ZNF680: variants seen among roughly 807,000 people sequenced by gnomAD.
The protein encoded by ZNF680 is hypothetical protein FLJ90430.
In ZNF680, 6 loss-of-function variants were observed where a neutral mutation model predicts 12.1. The ratio of observed to expected loss-of-function variants is 0.49; its 90% confidence interval spans 0.27 to 0.98. The LOEUF is 0.98. Among genes scored for constraint, ZNF680 ranks in the 50% least tolerant of loss-of-function variants. ZNF680 has a pLI of 0.12. For synonymous variants in ZNF680, 170 were observed against 199.3 expected (o/e 0.85, Z 1.24); for missense variants, 561 against 616.3 (o/e 0.91, Z 0.95).
chr7:64,500,365 C>T, the ZNF680 span, among the ~76,000 whole-genome samples: 1 of 151,952 alleles, frequency 6.6e-6, no homozygotes, highest in Non-Finnish European at 1.5e-5. Context: ...CTCACAATAT[C>T]TAAGGTATGG....
the ZNF680 span, chr7:64,501,783 C>T: frequency 1.4e-6 from 1 of 728,952 alleles, no homozygotes; most frequent in Admixed American, 1.8e-5. Flanking sequence ...CTAGGTGCTT[C>T]TCTAAGATCA....
At chr7:64,506,518 A>G in the ZNF680 span, among the ~76,000 whole-genome samples, 1 of 152,012 alleles carries the variant, frequency 6.6e-6, no homozygotes, top group African/African-American at 2.4e-5. Flanking sequence ...TTATCTAAGT[A>G]AACAAAGATA....
intron 3 of ZNF680, among the ~76,000 whole-genome samples, chr7:64,539,378 A>AAAAAAAAAAAAAAAAAAAAAAAAC (rs1786375870): frequency 7.1e-6 from 1 of 140,236 alleles, no homozygotes; most frequent in African/African-American, 2.7e-5. Context: ...AAAAAAAAGA[A>AAAAAAAAAAAAAAAAAAAAAAAAC]AAGAAAATCT....
intron 1 of ZNF680, among the ~76,000 whole-genome samples, chr7:64,547,641 G>A (rs1032388224): frequency 6.6e-6 from 1 of 151,880 alleles, no homozygotes; most frequent in Non-Finnish European, 1.5e-5. Flanking sequence ...TTTTCTTGAA[G>A]ATGTATAAAA....
rs185453780 is a variant in ZNF680, at chr7:64,562,681, C to A, written c.30+244G>T. Among the ~76,000 whole-genome samples the A allele has an allele frequency of 1.8e-3, 275 of 152,366 alleles. 1 individual carries two copies. Among genetic ancestry groups the A allele is most frequent in the Non-Finnish European group, 3.3e-3 (225 of 68,038 alleles). ...GCGGCACTGCGGGTGCAGAGCTGCC[C>A]AGCGAGGGCTCCAGGCCAAGGCACA... On this transcript the variant is annotated intron_variant, in intron 1 of 3. Coordinates refer to ENST00000309683, the MANE Select transcript of ZNF680 (RefSeq NM_178558.5).
At chr7:64,526,042 A>C (rs556775434) in intron 3 of ZNF680, 1 of 979,194 alleles carries the variant, frequency 1.0e-6, no homozygotes, top group Non-Finnish European at 1.2e-6. Flanking sequence ...AAACTAAAAA[A>C]CCAAAACAAT....
the ZNF680 span, chr7:64,501,614 G>C: frequency 1.2e-6 from 1 of 802,612 alleles, no homozygotes; most frequent in Middle Eastern, 2.6e-4. Context: ...GGGATCTACT[G>C]GATGATGATG....
At chr7:64,528,825 A>T (rs935520683) in intron 3 of ZNF680, among the ~76,000 whole-genome samples, 1 of 152,136 alleles carries the variant, frequency 6.6e-6, no homozygotes, top group African/African-American at 2.4e-5. Flanking sequence ...ACCACAGCTG[A>T]TGCTCTCTGG....
intron 1 of ZNF680, among the ~76,000 whole-genome samples, chr7:64,548,845 G>A (rs113718180): frequency 0.023 from 3,440 of 152,098 alleles, 55 homozygotes; most frequent in Admixed American, 0.039. Context: ...GAAACTGGCC[G>A]GGCGCGGTGG....
intron 1 of ZNF680, among the ~76,000 whole-genome samples, chr7:64,554,388 G>C (rs994094240): frequency 2.0e-5 from 3 of 151,190 alleles, no homozygotes; most frequent in African/African-American, 7.3e-5. Context: ...GCCCCAGCCC[G>C]GCCAGCTGCC....
rs150608472 is a variant in ZNF680 at position 64,558,098 on chromosome 7, G to A, written c.30+4827C>T. ...GTTTGCCCTACAGATAGTGGCCCAGGTGGGGCTGTACTTGTTTATTTCTGT... is the reference window on the plus strand; with the variant it reads ...GTTTGCCCTACAGATAGTGGCCCAGATGGGGCTGTACTTGTTTATTTCTGT... On this transcript the variant is annotated intron_variant, in intron 1 of 3. Transcript: ENST00000309683. 4.7e-3 allele frequency among the ~76,000 whole-genome samples: 721 copies of A among 152,314 alleles called. 5 individuals are homozygous for A. The highest frequency in any genetic ancestry group is 0.014 in the African/African-American group (564 of 41,570).
At chr7:64,500,869 C>G in the ZNF680 span, 6 of 528,868 alleles carry the variant, frequency 1.1e-5, no homozygotes, top group South Asian at 8.4e-5. Flanking sequence ...GCTCCATGAA[C>G]TCCCATGTGT....
Position 64,521,365 on chromosome 7 carries a change from T to C in ZNF680, c.1389A>G (p.Lys463=), listed in dbSNP as rs757832456. Residue 463 remains lysine (K), a synonymous_variant, in exon 4 of 4, where the codon AAA becomes AAG. Coordinates refer to ENST00000309683, the MANE Select transcript of ZNF680 (RefSeq NM_178558.5). ...TAAAAACATTGCCACATTCATCACA[T>C]TTGTAGGATTTCTCTCCAGTATGAA... ...KVIHTGEKSY[K]CDECGNVFNW... 17 of 1,613,450 alleles carry C rather than the reference T, an allele frequency of 1.1e-5. No homozygotes were observed. In the Admixed American group the frequency reaches 2.7e-4, roughly 25 times the overall value.
chr7:64,557,253 A>G (rs1036963251), intron 1 of ZNF680, among the ~76,000 whole-genome samples: 8 of 151,354 alleles, frequency 5.3e-5, no homozygotes, highest in Non-Finnish European at 8.8e-5. Flanking sequence ...ACTGTCTCAA[A>G]AAAAAAAAAA....
chr7:64,510,303 TAA>T, the ZNF680 span, among the ~76,000 whole-genome samples: 1 of 151,588 alleles, frequency 6.6e-6, no homozygotes, highest in East Asian at 1.9e-4. Context: ...GTAGTAACTC[TAA>T]ACTGTCCTTG....
the ZNF680 span, among the ~76,000 whole-genome samples, chr7:64,506,655 T>G: frequency 6.6e-6 from 1 of 152,248 alleles, no homozygotes; most frequent in Non-Finnish European, 1.5e-5. Flanking sequence ...GATATAACAA[T>G]GCAAATGTAT....
intron 1 of ZNF680, among the ~76,000 whole-genome samples, chr7:64,545,263 CAAAAAAAAAAAAAAAA>C (rs532422147): frequency 0.49 from 44,756 of 91,148 alleles, 8,566 homozygotes; most frequent in African/African-American, 0.6. Flanking sequence ...GACTCCATCT[CAAAAAAAAAAAAAAAA>C]AAAAAAAAAA....
At chr7:64,508,024 GCTA>G in the ZNF680 span, among the ~76,000 whole-genome samples, 1 of 149,454 alleles carries the variant, frequency 6.7e-6, no homozygotes, top group African/African-American at 2.5e-5. Flanking sequence ...AGGCTCTAAA[GCTA>G]CTGTTTTGAG....
the ZNF680 span, among the ~76,000 whole-genome samples, chr7:64,512,475 A>AC: frequency 2.0e-5 from 3 of 151,696 alleles, no homozygotes; most frequent in South Asian, 6.2e-4. Flanking sequence ...AAAAAAAAAA[A>AC]AAAAAATTTC....
Sources: gnomAD v4.1 joint callset for allele counts (sites outside exome capture counted in the v4.1 genomes callset) on GRCh38, gnomAD v4.1.1 for gene constraint, MANE v1.5 for transcripts, NCBI Gene and HGNC (gene_info 2026-07-23, HGNC 2026-07-21) for gene names.